The following SV2C variants were observed in gnomAD, a reference collection of about 807,000 sequenced individuals.
The protein encoded by SV2C is solute carrier family 22 member B3.
A neutral mutation model predicts 79.7 loss-of-function variants in SV2C; 49 were observed. That is an observed-to-expected ratio of 0.61 (90% CI 0.49 to 0.78). The LOEUF (loss-of-function observed/expected upper bound fraction) is 0.78, where lower values mean the gene tolerates loss of function less well. Ranked by LOEUF, SV2C falls within the 30% of genes least tolerant of loss-of-function variation. The pLI, the probability that SV2C is intolerant of heterozygous loss-of-function variation, is 0.00. For synonymous variants in SV2C, 334 were observed against 333.2 expected, an observed-to-expected ratio of 1.00 and a Z score of -0.03; for missense variants, 833 against 912.9, an observed-to-expected ratio of 0.91 and a Z score of 1.13.
chr5:75,949,770 A>G, the SV2C span, among the ~76,000 whole-genome samples: 1 of 152,012 alleles, frequency 6.6e-6, no homozygotes, highest in East Asian at 1.9e-4. Context: ...CTTTTTCTTT[A>G]TAAATTACCC....
chr5:76,301,314 C>G, intron 11 of SV2C, 72 bp from the exon 12 acceptor site: 1 of 1,576,350 alleles, frequency 6.3e-7, no homozygotes. Flanking sequence ...TGAGCAATCC[C>G]AAGGACCCAA....
chr5:76,285,206 C>G lies in SV2C; in HGVS notation c.958C>G (p.Arg320Gly), dbSNP rs1394622051. The G allele has an allele frequency of 6.2e-7, 1 of 1,614,042 alleles. No individual in the cohort carries two copies. Among genetic ancestry groups the G allele is most frequent in the Non-Finnish European group, 8.5e-7 (1 of 1,180,026 alleles). ...MGSAYQFHSW[R>G]VFVIVCALPC... ...ATCGGCCTACCAGTTTCACAGTTGG[C>G]GTGTGTTTGTCATCGTCTGTGCACT... The change falls in exon 5 of 13, where the codon CGT becomes GGT. Residue 320 changes from arginine (R) to glycine (G), a missense_variant. Transcript: ENST00000502798.
intron 1 of SV2C, among the ~76,000 whole-genome samples, chr5:76,086,079 A>G (rs1003422684): frequency 6.6e-6 from 1 of 152,170 alleles, no homozygotes; most frequent in Non-Finnish European, 1.5e-5. Flanking sequence ...TTTATTTTTC[A>G]TGACCCAATG....
chr5:76,023,684 GTA>G, the SV2C span, among the ~76,000 whole-genome samples: 5,134 of 148,772 alleles, frequency 0.035, 273 homozygotes, highest in African/African-American at 0.11. Flanking sequence ...ATGTGTGTGT[GTA>G]TATATATATA....
intron 2 of SV2C, chr5:76,173,707 A>C: frequency 1.2e-6 from 2 of 1,613,768 alleles, no homozygotes; most frequent in Non-Finnish European, 1.7e-6. Context: ...GCACTAGGTC[A>C]TAAAAGATCT....
rs1561290021 is a variant in SV2C at position 76,265,865 on chromosome 5, C to T, written c.914-19297C>T. On this transcript the variant is annotated intron_variant, in intron 4 of 12. Coordinates refer to ENST00000502798, the MANE Select transcript of SV2C (RefSeq NM_014979.4). ...ACCCCAGTTGGAAATGCAGAAATCA[C>T]CCACCTTTTGTGTTGATCACGCTGG... Among the ~76,000 whole-genome samples, 4 of 152,152 alleles carry T rather than the reference C, an allele frequency of 2.6e-5. No homozygotes were observed. The South Asian group carries it at 8.3e-4, about 32-fold the overall frequency.
At chr5:76,227,359 T>A (rs1024159161) in intron 4 of SV2C, among the ~76,000 whole-genome samples, 9 of 152,046 alleles carry the variant, frequency 5.9e-5, no homozygotes, top group Non-Finnish European at 1.3e-4. Flanking sequence ...AGGGTGGGGT[T>A]CCACAAACAT....
intron 3 of SV2C, among the ~76,000 whole-genome samples, chr5:76,201,637 A>T (rs1350896969): frequency 6.6e-6 from 1 of 152,208 alleles, no homozygotes; most frequent in South Asian, 2.1e-4. Flanking sequence ...AATTATTCAG[A>T]ATGCTTTATA....
the SV2C span, among the ~76,000 whole-genome samples, chr5:76,030,682 A>C: frequency 6.6e-6 from 1 of 152,056 alleles, no homozygotes; most frequent in East Asian, 1.9e-4. Flanking sequence ...TAGCTTAGAA[A>C]TGTGCCTCCC....
intron 2 of SV2C, among the ~76,000 whole-genome samples, chr5:76,176,193 G>A (rs1664314250): frequency 6.6e-6 from 1 of 152,290 alleles, no homozygotes; most frequent in South Asian, 2.1e-4. Flanking sequence ...AAATGTTCAA[G>A]ACTTAAGTGA....
the SV2C span, among the ~76,000 whole-genome samples, chr5:75,865,362 T>C: frequency 1.3e-5 from 2 of 152,142 alleles, no homozygotes; most frequent in Non-Finnish European, 1.5e-5. Context: ...GTGCCACTCA[T>C]GTCAATGGTC....
At chr5:76,210,866 C>T (rs988404076) in intron 4 of SV2C, among the ~76,000 whole-genome samples, 1 of 152,206 alleles carries the variant, frequency 6.6e-6, no homozygotes, top group African/African-American at 2.4e-5. Flanking sequence ...TGACGACGAA[C>T]ACATATGTTT....
At chr5:76,114,590 G>A (rs1046278077) in intron 1 of SV2C, among the ~76,000 whole-genome samples, 4 of 152,230 alleles carry the variant, frequency 2.6e-5, no homozygotes, top group African/African-American at 9.7e-5. Flanking sequence ...AACTCTGCAA[G>A]TATGTTAATC....
At chr5:76,324,692 A>T (rs548690178) in intron 12 of SV2C, among the ~76,000 whole-genome samples, 102 of 137,048 alleles carry the variant, frequency 7.4e-4, no homozygotes, top group South Asian at 4.3e-3. Flanking sequence ...ACAAATATTT[A>T]AAAAAAAAAA....
chr5:76,108,753 G>A (rs896780612), intron 1 of SV2C, among the ~76,000 whole-genome samples: 6 of 152,128 alleles, frequency 3.9e-5, no homozygotes, highest in African/African-American at 1.4e-4. Context: ...GGATCAAATG[G>A]ATCAAATGTG....
chr5:76,300,943 A>G lies in SV2C; in HGVS notation c.1840+11A>G. The G allele has an allele frequency of 6.2e-7, 1 of 1,613,262 alleles. No individual in the cohort carries two copies. The highest frequency in any genetic ancestry group is 8.5e-7 in the Non-Finnish European group (1 of 1,179,492). On this transcript the variant is annotated intron_variant, in intron 11 of 12. Coordinates refer to ENST00000502798, the MANE Select transcript of SV2C (RefSeq NM_014979.4). ...GCTTAACAATGCTAGGTATGTACTCAGTTTCATGTCAAATAAAAGAGCTGC... is the reference window on the plus strand; with the variant it reads ...GCTTAACAATGCTAGGTATGTACTCGGTTTCATGTCAAATAAAAGAGCTGC...
In SV2C at chr5:76,258,033, G is replaced by T. The variant is rs556051616; in HGVS notation, c.914-27129G>T. ...GTGTGTAGTGTGTGGGGTGTGGATT[G>T]TGTGGTGTATGGTATATGATATATG... On this transcript the variant is annotated intron_variant, in intron 4 of 12. Coordinates refer to ENST00000502798, the MANE Select transcript of SV2C (RefSeq NM_014979.4). 1.2e-4 allele frequency among the ~76,000 whole-genome samples: 18 copies of T among 148,908 alleles called. No individual in the cohort carries two copies. The Admixed American group carries it at 1.2e-3, about 10-fold the overall frequency.
At chr5:76,188,596 TC>T (rs1743995008) in intron 2 of SV2C, among the ~76,000 whole-genome samples, 2 of 152,206 alleles carry the variant, frequency 1.3e-5, no homozygotes, top group African/African-American at 4.8e-5. Flanking sequence ...AAGTTATTTT[TC>T]CCCCATCTTA....
the SV2C span, among the ~76,000 whole-genome samples, chr5:75,895,590 C>G: frequency 2.0e-5 from 3 of 152,100 alleles, 1 homozygote; most frequent in African/African-American, 7.2e-5. Context: ...ACCTAGTAGA[C>G]TTTGTAACAG....
Sources: gnomAD v4.1 joint callset for allele counts (sites outside exome capture counted in the v4.1 genomes callset) on GRCh38, gnomAD v4.1.1 for gene constraint, MANE v1.5 for transcripts, NCBI Gene and HGNC (gene_info 2026-07-23, HGNC 2026-07-21) for gene names.